The following ARSB variants were observed in gnomAD, a reference collection of about 807,000 sequenced individuals.
ARSB encodes arylsulfatase B, also known as N-acetylgalactosamine-4-sulfatase.
Under a neutral mutation model 50.9 loss-of-function variants are expected in ARSB, and 41 were observed. The observed-to-expected ratio is 0.81, with a 90% CI of 0.63 to 1.04. ARSB has a LOEUF of 1.04. Among genes scored for constraint, ARSB ranks in the 50% least tolerant of loss-of-function variants. The probability of loss-of-function intolerance (pLI) is 0.00; values close to 1 mark genes in which losing one functional copy is unlikely to be tolerated. For synonymous variants in ARSB, 269 were observed against 284.8 expected, an observed-to-expected ratio of 0.94 and a Z score of 0.56; for missense variants, 672 against 693.3, an observed-to-expected ratio of 0.97 and a Z score of 0.35.
chr5:78,871,771 C>T (rs879756958), intron 5 of ARSB, among the ~76,000 whole-genome samples: 9,727 of 129,572 alleles, frequency 0.075, 352 homozygotes, highest in Middle Eastern at 0.16. Flanking sequence ...GACTTCATGT[C>T]CAAAACACCA....
intron 4 of ARSB, among the ~76,000 whole-genome samples, chr5:78,906,735 G>A (rs1239780001): frequency 6.6e-6 from 1 of 152,198 alleles, no homozygotes; most frequent in Non-Finnish European, 1.5e-5. Flanking sequence ...GTTGCTTTCA[G>A]TATTATCCAG....
chr5:78,859,218 G>A (rs186319155), intron 5 of ARSB, among the ~76,000 whole-genome samples: 4 of 152,258 alleles, frequency 2.6e-5, no homozygotes, highest in Admixed American at 2.6e-4. Flanking sequence ...ATTAGAAAAT[G>A]TTGATGAAAT....
At chr5:78,884,538 G>C (rs1301117919) in intron 5 of ARSB, 1 of 147,972 alleles carries the variant, frequency 6.8e-6, no homozygotes, top group Admixed American at 6.9e-5. Flanking sequence ...ATGGCCTGAG[G>C]AAGTCCTCTC....
chr5:78,859,488 T>A (rs926656531), intron 5 of ARSB, among the ~76,000 whole-genome samples: 3 of 152,088 alleles, frequency 2.0e-5, no homozygotes, highest in Non-Finnish European at 4.4e-5. Context: ...CATTTTAATA[T>A]CCACGAAGAA....
chr5:78,925,067 G>A (rs78127051), intron 4 of ARSB, among the ~76,000 whole-genome samples: 3,767 of 152,260 alleles, frequency 0.025, 157 homozygotes, highest in African/African-American at 0.084. Flanking sequence ...GTTTATGTCT[G>A]CTCCTGTCTG....
chr5:78,934,114 A>C (rs1271504852), intron 4 of ARSB, among the ~76,000 whole-genome samples: 1 of 152,142 alleles, frequency 6.6e-6, no homozygotes, highest in East Asian at 1.9e-4. Context: ...AAAAACCCAA[A>C]TGGTCTCTGC....
intron 1 of ARSB, among the ~76,000 whole-genome samples, chr5:78,972,372 C>T (rs570087192): frequency 1.3e-5 from 2 of 152,248 alleles, no homozygotes; most frequent in East Asian, 1.9e-4. Context: ...ACATTCACAC[C>T]TTTTAAAATG....
At chr5:78,974,858 A>AC (rs1470811381) in intron 1 of ARSB, among the ~76,000 whole-genome samples, 1 of 152,014 alleles carries the variant, frequency 6.6e-6, no homozygotes, top group East Asian at 1.9e-4. Context: ...CATGAAAGTC[A>AC]CCCCAGGGCT....
chr5:78,822,362 C>T (rs1019981977), intron 6 of ARSB, among the ~76,000 whole-genome samples: 1 of 152,072 alleles, frequency 6.6e-6, no homozygotes, highest in African/African-American at 2.4e-5. Flanking sequence ...ATTTATACCA[C>T]ATAAAAACAT....
intron 5 of ARSB, among the ~76,000 whole-genome samples, chr5:78,861,238 G>C (rs1340982503): frequency 6.6e-6 from 1 of 152,158 alleles, no homozygotes; most frequent in Non-Finnish European, 1.5e-5. Flanking sequence ...CAGAAAAAGA[G>C]GGAATCCTCC....
At chr5:78,894,088 A>G (rs1748458651) in intron 4 of ARSB, among the ~76,000 whole-genome samples, 1 of 152,232 alleles carries the variant, frequency 6.6e-6, no homozygotes, top group Non-Finnish European at 1.5e-5. Context: ...TAATGCCACT[A>G]GAGAAGTAAT....
chr5:78,931,496 A>T (rs1030634623), intron 4 of ARSB, among the ~76,000 whole-genome samples: 1 of 152,120 alleles, frequency 6.6e-6, no homozygotes, highest in African/African-American at 2.4e-5. Flanking sequence ...ATCTTCCTCC[A>T]GCTGCCTGTC....
intron 4 of ARSB, among the ~76,000 whole-genome samples, chr5:78,949,497 AAC>A (rs1751405179): frequency 6.6e-6 from 1 of 152,256 alleles, no homozygotes; most frequent in African/African-American, 2.4e-5. Flanking sequence ...TATTAATTTC[AAC>A]TTCAGGAAAT....
chr5:78,881,024 G>A lies in ARSB; in HGVS notation c.1142+4560C>T, dbSNP rs1305882938. Among the ~76,000 whole-genome samples the A allele has an allele frequency of 3.3e-5, 5 of 152,132 alleles. No homozygotes were observed. In the East Asian group the frequency reaches 9.7e-4, roughly 29 times the overall value. On this transcript the variant is annotated intron_variant, in intron 5 of 7. Coordinates refer to ENST00000264914, the MANE Select transcript of ARSB (RefSeq NM_000046.5). ...AGGCAGGTGGATCACTTGAGGCCAG[G>A]AGTTCAAGACTGGTTGGACCAACAT...
intron 4 of ARSB, among the ~76,000 whole-genome samples, chr5:78,898,638 C>T (rs944488389): frequency 2.0e-5 from 3 of 152,232 alleles, no homozygotes; most frequent in Non-Finnish European, 4.4e-5. Flanking sequence ...ACAATACATT[C>T]AGCTGCTGAG....
chr5:78,985,219 G>A lies in ARSB; in HGVS notation c.30C>T (p.Pro10=). The A allele has an allele frequency of 7.5e-7, 1 of 1,339,292 alleles. No homozygotes were observed. The highest frequency in any genetic ancestry group is 9.5e-7 in the Non-Finnish European group (1 of 1,051,260). 83.0% of individuals were successfully genotyped at this position (1,339,292 alleles called of 1,614,324 possible). ...GCAGCCGCCGAGGTCCGGGGCCTCG[G>A]GGCAAGCTCGCCGCGCCGCGCGGAC... MGPRGAASL[P]RGPGPRRLLL... The change falls in exon 1 of 8, where the codon CCC becomes CCT. Residue 10 remains proline (P), a synonymous_variant. Coordinates refer to ENST00000264914, the MANE Select transcript of ARSB (RefSeq NM_000046.5).
At chr5:78,848,046 T>G (rs928076687) in intron 5 of ARSB, among the ~76,000 whole-genome samples, 131 of 151,124 alleles carry the variant, frequency 8.7e-4, no homozygotes, top group Non-Finnish European at 1.4e-3. Flanking sequence ...TTAGCGTGAA[T>G]TTTTTTATTT....
At chr5:78,918,075 T>A (rs1749641245) in intron 4 of ARSB, among the ~76,000 whole-genome samples, 1 of 152,238 alleles carries the variant, frequency 6.6e-6, no homozygotes, top group Non-Finnish European at 1.5e-5. Context: ...AGAAAATAGA[T>A]GTATTAGTAA....
At position 78,879,829 on chromosome 5, in the gene ARSB, G is replaced by C. The variant is rs577161735; in HGVS notation, c.1142+5755C>G. The stretch of plus-strand genomic sequence containing the variant: ...GAGAAGCACCAACTTCATTAGGCTC[G>C]AGGCTGAATTATTATTTCAGGAATT... On this transcript the variant is annotated intron_variant, in intron 5 of 7. Coordinates refer to ENST00000264914, the MANE Select transcript of ARSB (RefSeq NM_000046.5). Among the ~76,000 whole-genome samples the C allele has an allele frequency of 7.2e-5, 11 of 152,276 alleles. No individual in the cohort carries two copies. In the South Asian group the frequency reaches 1.7e-3, roughly 23 times the overall value.
Sources: gnomAD v4.1 joint callset for allele counts (sites outside exome capture counted in the v4.1 genomes callset) on GRCh38, gnomAD v4.1.1 for gene constraint, MANE v1.5 for transcripts, NCBI Gene and HGNC (gene_info 2026-07-23, HGNC 2026-07-21) for gene names.